Variants in RARS2 observed in about 807,000 individuals in gnomAD.
RARS2 encodes the protein probable arginine--tRNA ligase, mitochondrial.
RARS2 carries 67 observed loss-of-function variants against 88.5 expected under a neutral mutation model. That is an observed-to-expected ratio of 0.76 (90% CI 0.62 to 0.93). The LOEUF (loss-of-function observed/expected upper bound fraction) is 0.93. Among genes scored for constraint, RARS2 ranks in the 40% least tolerant of loss-of-function variants. The pLI is 0.00. For missense variants in RARS2, 664 were observed against 684.2 expected (o/e 0.97, Z 0.33); for synonymous variants, 239 against 230.3 (o/e 1.04, Z -0.34).
At chr6:87,572,302 C>T (rs932534087) in intron 1 of RARS2, among the ~76,000 whole-genome samples, 3 of 152,016 alleles carry the variant, frequency 2.0e-5, no homozygotes, top group Non-Finnish European at 4.4e-5. Flanking sequence ...ATATTTCCTT[C>T]TCCTTTTAAA....
chr6:87,532,496 G>C (rs1044235007), intron 8 of RARS2, among the ~76,000 whole-genome samples: 1 of 152,202 alleles, frequency 6.6e-6, no homozygotes, highest in Non-Finnish European at 1.5e-5. Flanking sequence ...CTTGGACACA[G>C]GGTATCTAAT....
intron 11 of RARS2, among the ~76,000 whole-genome samples, chr6:87,522,637 A>G (rs1345272698): frequency 2.0e-5 from 3 of 152,152 alleles, no homozygotes; most frequent in Admixed American, 6.5e-5. Flanking sequence ...TGCATTCTCA[A>G]TGAAGGCAAA....
At position 87,521,604 on chromosome 6, in the gene RARS2, G is replaced by A. The variant is rs904413205; in HGVS notation, c.975-80C>T. The A allele has an allele frequency of 4.7e-6, 5 of 1,063,754 alleles. No individual in the cohort carries two copies. In the Admixed American group the frequency reaches 8.6e-5, roughly 18 times the overall value. 65.9% of individuals were successfully genotyped at this position (1,063,754 alleles called of 1,614,324 possible). ...GGTCTTACCTATTTAATAGCAATGA[G>A]CATTTTCTAATTAAGAATTTAAATT... On this transcript the variant is annotated intron_variant, in intron 11 of 19. Coordinates refer to ENST00000369536, the MANE Select transcript of RARS2 (RefSeq NM_020320.5).
rs1039956802 is a variant in RARS2, at chr6:87,585,130, T to G, written c.36+4792A>C. Among the ~76,000 whole-genome samples the G allele has an allele frequency of 4.3e-4, 65 of 152,280 alleles. 1 individual carries two copies. The highest frequency in any genetic ancestry group is 1.6e-3 in the African/African-American group (65 of 41,558). On this transcript the variant is annotated intron_variant, in intron 1 of 19. Coordinates refer to ENST00000369536, the MANE Select transcript of RARS2 (RefSeq NM_020320.5). ...GAGTTCCTTTAGCCACCACACCACG[T>G]CATCTCCATAGATTTAAAATTATGA...
At chr6:87,569,346 TTTA>T (rs1356832386) in intron 2 of RARS2, among the ~76,000 whole-genome samples, 168 bp downstream of exon 2, 3 of 152,154 alleles carry the variant, frequency 2.0e-5, no homozygotes, top group African/African-American at 7.2e-5. Context: ...AGATTTTAAT[TTTA>T]TTATTTAAGT....
At chr6:87,526,964 C>T (rs1260928808) in intron 10 of RARS2, among the ~76,000 whole-genome samples, 2 of 151,900 alleles carry the variant, frequency 1.3e-5, no homozygotes, top group African/African-American at 4.8e-5. Context: ...AGCCACCATG[C>T]CCAGCCAGGT....
At chr6:87,565,754 G>T (rs1253817740) in intron 2 of RARS2, among the ~76,000 whole-genome samples, 1 of 152,126 alleles carries the variant, frequency 6.6e-6, no homozygotes, top group Non-Finnish European at 1.5e-5. Context: ...TTATCTTCTG[G>T]TGTTTAATAT....
At chr6:87,553,660 G>C (rs2128139558) in intron 5 of RARS2, among the ~76,000 whole-genome samples, 1 of 152,340 alleles carries the variant, frequency 6.6e-6, no homozygotes, top group Admixed American at 6.5e-5. Context: ...CCTACACTAA[G>C]GTTTGCAGTG....
chr6:87,570,821 G>A (rs1377173377), intron 1 of RARS2, among the ~76,000 whole-genome samples: 2 of 152,130 alleles, frequency 1.3e-5, no homozygotes, highest in Admixed American at 6.6e-5. Flanking sequence ...TCAAAGTGCT[G>A]GGATTACAAG....
At position 87,576,449 on chromosome 6, in the gene RARS2, T is replaced by C. The variant is rs1191725662; in HGVS notation, c.37-6859A>G. On this transcript the variant is annotated intron_variant, in intron 1 of 19. Transcript: ENST00000369536. ...CCGCTACCACGCCCGGCTAATTTTT[T>C]GTATTTTTAGTAGAGACGGGGTTTC... Among the ~76,000 whole-genome samples the C allele has an allele frequency of 1.8e-5, 2 of 110,924 alleles. 1 individual carries two copies. The highest frequency in any genetic ancestry group is 3.8e-5 in the Non-Finnish European group (2 of 53,160). The allele number at this position is 110,924 out of a possible 152,430, so 72.8% of individuals were successfully genotyped here. A position where few individuals can be genotyped will look rare whatever the true frequency, so the allele number is the denominator to read the frequency against.
chr6:87,572,172 T>G (rs1281079496), intron 1 of RARS2, among the ~76,000 whole-genome samples: 2 of 151,984 alleles, frequency 1.3e-5, no homozygotes, highest in African/African-American at 4.8e-5. Context: ...AGAAAGTAAT[T>G]TTACATGAAT....
At chr6:87,530,975 A>C (rs1049873411) in intron 8 of RARS2, 33 bp from the exon 9 acceptor site, 5 of 1,612,388 alleles carry the variant, frequency 3.1e-6, no homozygotes, top group South Asian at 2.2e-5. Context: ...AATGAAGTAC[A>C]TAACAGGTCA....
intron 1 of RARS2, among the ~76,000 whole-genome samples, chr6:87,579,325 T>C (rs1772648055): frequency 1.3e-5 from 2 of 152,296 alleles, no homozygotes; most frequent in African/African-American, 4.8e-5. Flanking sequence ...GGCAGAAGGA[T>C]GTAAAACATT....
chr6:87,514,908 T>C, intron 19 of RARS2, 49 bp downstream of exon 19: 6 of 1,444,364 alleles, frequency 4.2e-6, no homozygotes, highest in Non-Finnish European at 5.9e-6. Flanking sequence ...CTTAGTAATA[T>C]TAGTCTCAGG....
At chr6:87,519,184 ATGTGTGTGTGTG>A (rs374177464) in intron 14 of RARS2, 5 of 225,016 alleles carry the variant, frequency 2.2e-5, no homozygotes, top group East Asian at 1.1e-4. Context: ...ATAAATATAT[ATGTGTGTGTGTG>A]TGTGTGTGTG....
intron 2 of RARS2, among the ~76,000 whole-genome samples, chr6:87,568,105 C>T (rs1768486149): frequency 1.3e-5 from 2 of 152,126 alleles, no homozygotes; most frequent in South Asian, 4.1e-4. Context: ...AAGTTAATAC[C>T]TCAGATTGTT....
At chr6:87,548,178 G>C (rs1036746505) in intron 6 of RARS2, among the ~76,000 whole-genome samples, 1 of 152,100 alleles carries the variant, frequency 6.6e-6, no homozygotes, top group African/African-American at 2.4e-5. Flanking sequence ...GGGAGGCAGA[G>C]GTTGCAGTGA....
intron 10 of RARS2, among the ~76,000 whole-genome samples, chr6:87,529,206 T>G (rs1776679063): frequency 6.6e-6 from 1 of 152,232 alleles, no homozygotes; most frequent in Non-Finnish European, 1.5e-5. Flanking sequence ...GGGATTTCTT[T>G]TAAAAGGTAA....
At chr6:87,518,373 AAT>A (rs1434888170) in intron 16 of RARS2, 109 bp from the exon 17 acceptor site, 114 of 1,575,416 alleles carry the variant, frequency 7.2e-5, no homozygotes, top group Non-Finnish European at 9.4e-5. Flanking sequence ...TGGTCTCCTT[AAT>A]ATCCATACAC....
Sources: gnomAD v4.1 joint callset for allele counts (sites outside exome capture counted in the v4.1 genomes callset) on GRCh38, gnomAD v4.1.1 for gene constraint, MANE v1.5 for transcripts, NCBI Gene and HGNC (gene_info 2026-07-23, HGNC 2026-07-21) for gene names.